Variants in SLC30A7 observed in about 807,000 individuals in gnomAD.
SLC30A7 encodes zinc transporter 7.
A neutral mutation model predicts 46.0 loss-of-function variants in SLC30A7; 35 were observed. That is an observed-to-expected ratio of 0.76 (90% CI 0.58 to 1.01). The LOEUF (loss-of-function observed/expected upper bound fraction) is 1.01. SLC30A7 is among the 50% of genes least tolerant of loss of function. The probability of loss-of-function intolerance (pLI) is 0.00; values close to 1 mark genes in which losing one functional copy is unlikely to be tolerated. For synonymous variants in SLC30A7, 147 were observed against 157.8 expected (o/e 0.93, Z 0.51); for missense variants, 464 against 451.1 (o/e 1.03, Z -0.26).
At chr1:100,899,057 A>G (rs1219967865) in intron 2 of SLC30A7, among the ~76,000 whole-genome samples, 3 of 152,222 alleles carry the variant, frequency 2.0e-5, no homozygotes, top group Non-Finnish European at 4.4e-5. Flanking sequence ...ACTTAATTAT[A>G]GTTGATTTAT....
intron 8 of SLC30A7, among the ~76,000 whole-genome samples, chr1:100,950,847 G>A (rs1242496957): frequency 1.3e-5 from 2 of 152,174 alleles, no homozygotes; most frequent in Admixed American, 6.5e-5. Context: ...GGATTCAAGT[G>A]CAAGTAGTTT....
At chr1:100,995,103 A>G in the SLC30A7 span, 2 of 1,564,894 alleles carry the variant, frequency 1.3e-6, no homozygotes, top group Non-Finnish European at 1.8e-6. Context: ...TCAGAATAAT[A>G]ACTTACTTGA....
intron 3 of SLC30A7, among the ~76,000 whole-genome samples, chr1:100,908,004 TCTC>T (rs1304719104): frequency 1.3e-5 from 2 of 151,430 alleles, no homozygotes; most frequent in Non-Finnish European, 2.9e-5. Context: ...AGGCTCAATC[TCTC>T]CTCCTCCTCT....
At chr1:100,924,225 A>G (rs1223865754) in intron 8 of SLC30A7, among the ~76,000 whole-genome samples, 2 of 152,176 alleles carry the variant, frequency 1.3e-5, no homozygotes, top group Admixed American at 1.3e-4. Flanking sequence ...GCTTCATGAT[A>G]TATTAACCTT....
At chr1:100,931,754 G>A (rs532732735) in intron 8 of SLC30A7, among the ~76,000 whole-genome samples, 25 of 152,258 alleles carry the variant, frequency 1.6e-4, no homozygotes, top group African/African-American at 5.8e-4. Flanking sequence ...TTTGTAAATT[G>A]GAGTTAAAGT....
chr1:100,990,580 T>G, the SLC30A7 span: 1 of 1,614,072 alleles, frequency 6.2e-7, no homozygotes, highest in South Asian at 1.1e-5. Flanking sequence ...AATTTTCTGG[T>G]CGTCGGCTCC....
At chr1:100,934,683 T>C (rs1272800815) in intron 8 of SLC30A7, among the ~76,000 whole-genome samples, 4 of 150,110 alleles carry the variant, frequency 2.7e-5, no homozygotes, top group Non-Finnish European at 5.9e-5. Context: ...TATATATATA[T>C]TTATATATAT....
At chr1:100,971,191 C>T (rs1478801738) in intron 10 of SLC30A7, among the ~76,000 whole-genome samples, 1 of 152,122 alleles carries the variant, frequency 6.6e-6, no homozygotes, top group Non-Finnish European at 1.5e-5. Context: ...TTTCTGCCTC[C>T]GTAAACTCTC....
chr1:100,896,402 C>T (rs994558809), intron 1 of SLC30A7, 60 bp downstream of exon 1: 4 of 1,575,984 alleles, frequency 2.5e-6, no homozygotes, highest in Non-Finnish European at 3.5e-6. Flanking sequence ...AGGCCCAGAC[C>T]TCAGGATGGC....
intron 8 of SLC30A7, among the ~76,000 whole-genome samples, chr1:100,924,511 C>T (rs1211355662): frequency 1.3e-5 from 2 of 152,078 alleles, no homozygotes; most frequent in African/African-American, 4.8e-5. Flanking sequence ...TGATTCTCTA[C>T]CTCCCAGGCT....
intron 2 of SLC30A7, 90 bp from the exon 3 acceptor site, chr1:100,906,762 A>T (rs1651701547): frequency 1.2e-6 from 1 of 839,276 alleles, no homozygotes; most frequent in Non-Finnish European, 2.0e-6. Context: ...TTAATTCCTG[A>T]TGAACAAAGG....
the SLC30A7 span, chr1:100,990,171 T>G: frequency 2.0e-6 from 1 of 497,382 alleles, no homozygotes; most frequent in Non-Finnish European, 3.6e-6. Context: ...GCGGCAAGAG[T>G]GAGAATGAGA....
intron 7 of SLC30A7, among the ~76,000 whole-genome samples, chr1:100,920,252 G>A (rs1325572802): frequency 1.3e-5 from 2 of 151,852 alleles, no homozygotes; most frequent in East Asian, 1.9e-4. Context: ...AGGCTTAAAA[G>A]CATGTATCAT....
At chr1:100,933,408 A>G (rs2101048074) in intron 8 of SLC30A7, among the ~76,000 whole-genome samples, 1 of 151,466 alleles carries the variant, frequency 6.6e-6, no homozygotes, top group Middle Eastern at 3.4e-3. Context: ...TTGTCCTAAC[A>G]ATTTTTTTTT....
chr1:100,901,059 A>G (rs1464805378), intron 2 of SLC30A7, among the ~76,000 whole-genome samples: 2 of 152,158 alleles, frequency 1.3e-5, no homozygotes, highest in Non-Finnish European at 2.9e-5. Flanking sequence ...CACAAGATGT[A>G]ATTTCTTCCA....
Position 100,913,939 on chromosome 1 carries a change from TC to T in SLC30A7, c.655+136del. The T allele has an allele frequency of 3.1e-6, 4 of 1,285,130 alleles. No homozygotes were observed. The South Asian group carries it at 6.7e-5, about 22-fold the overall frequency. 79.6% of individuals were successfully genotyped at this position (1,285,130 alleles called of 1,614,324 possible). ...TTTCTAATGAATCAGTCTAAATGGT[TC>T]CCAGGGCTAGTTTATTTTTTGTATA... On this transcript the variant is annotated intron_variant, in intron 6 of 10. Transcript: ENST00000357650.
At chr1:100,936,976 T>G (rs1654001289) in intron 8 of SLC30A7, among the ~76,000 whole-genome samples, 1 of 152,202 alleles carries the variant, frequency 6.6e-6, no homozygotes. Flanking sequence ...TATTTACTTA[T>G]ACACATAGAT....
At chr1:100,925,917 T>C (rs191641991) in intron 8 of SLC30A7, among the ~76,000 whole-genome samples, 1 of 152,308 alleles carries the variant, frequency 6.6e-6, no homozygotes, top group Non-Finnish European at 1.5e-5. Flanking sequence ...CATCTGGCAT[T>C]GGAATTCATC....
intron 9 of SLC30A7, among the ~76,000 whole-genome samples, chr1:100,964,331 GTA>G (rs1325367143): frequency 9.1e-6 from 1 of 109,862 alleles, no homozygotes; most frequent in South Asian, 2.4e-4. Flanking sequence ...ATACATGTAT[GTA>G]TATATGTTAT....
Sources: allele counts gnomAD v4.1 joint callset (sites outside exome capture counted in the v4.1 genomes callset), GRCh38; gene constraint gnomAD v4.1.1; transcripts MANE v1.5; gene names NCBI Gene and HGNC (gene_info 2026-07-23, HGNC 2026-07-21).